Variants in URM1 observed in about 807,000 individuals in gnomAD.
The protein encoded by URM1 is ubiquitin-related modifier 1.
Under a neutral mutation model 17.7 loss-of-function variants are expected in URM1, and 11 were observed. The ratio of observed to expected loss-of-function variants is 0.62; its 90% CI spans 0.39 to 1.03. The LOEUF (loss-of-function observed/expected upper bound fraction) is 1.03. Among genes scored for constraint, URM1 ranks in the 50% least tolerant of loss-of-function variants. URM1 has a pLI of 0.00. For missense variants in URM1, 128 were observed against 129.2 expected, an observed-to-expected ratio of 0.99 and a Z score of 0.04; for synonymous variants, 48 against 50.6, an observed-to-expected ratio of 0.95 and a Z score of 0.22.
intron 2 of URM1, among the ~76,000 whole-genome samples, chr9:128,380,098 T>TGA (rs1833139297): frequency 6.6e-6 from 1 of 151,520 alleles, no homozygotes; most frequent in African/African-American, 2.4e-5. Context: ...GGTGCCAGAG[T>TGA]GAGACCCTGT....
At chr9:128,381,329 G>A (rs1329257011) in intron 2 of URM1, among the ~76,000 whole-genome samples, 1 of 152,182 alleles carries the variant, frequency 6.6e-6, no homozygotes, top group Admixed American at 6.5e-5. Flanking sequence ...ACAACTTTTA[G>A]TAACTGGCAT....
At chr9:128,383,794 G>A (rs1295177678) in intron 2 of URM1, among the ~76,000 whole-genome samples, 1 of 152,192 alleles carries the variant, frequency 6.6e-6, no homozygotes, top group African/African-American at 2.4e-5. Flanking sequence ...GGCTGAGGCT[G>A]ACACCCTTTG....
intron 2 of URM1, among the ~76,000 whole-genome samples, chr9:128,380,696 T>C (rs1406459642): frequency 6.6e-6 from 1 of 151,004 alleles, no homozygotes; most frequent in Non-Finnish European, 1.5e-5. Flanking sequence ...AGTGCCGTGG[T>C]GCAGTCTCAG....
In URM1 at chr9:128,389,174, T is replaced by A. The variant is rs2131302132; in HGVS notation, c.189-87T>A. ...AGGAAGGCTCCTCAGCACACTCTCC[T>A]GCAGCCCAAAGCTCTCAGCCTCTCT... On this transcript the variant is annotated intron_variant, in intron 3 of 4. Transcript: ENST00000372853. The A allele has an allele frequency of 4.0e-6, 6 of 1,517,098 alleles. No homozygotes were observed. In the South Asian group the frequency reaches 7.8e-5, roughly 20 times the overall value. The allele number at this position is 1,517,098 out of a possible 1,614,324, so 94.0% of individuals were successfully genotyped here.
chr9:128,388,190 G>A, intron 3 of URM1: 1 of 1,231,806 alleles, frequency 8.1e-7, no homozygotes. Context: ...CGCTTCTCTG[G>A]GCCTCAGTTA....
intron 2 of URM1, among the ~76,000 whole-genome samples, chr9:128,378,806 G>A (rs115588269): frequency 3.6e-4 from 55 of 151,604 alleles, no homozygotes; most frequent in Non-Finnish European, 6.6e-4. Context: ...AATTAGTCAC[G>A]CATAGCGGTG....
chr9:128,388,708 T>A, intron 3 of URM1: 2 of 986,582 alleles, frequency 2.0e-6, no homozygotes, highest in Non-Finnish European at 2.4e-6. Flanking sequence ...CCCTGCCTTA[T>A]GCCAGGCAGG....
At chr9:128,384,016 G>A (rs193239658) in intron 2 of URM1, among the ~76,000 whole-genome samples, 1 of 152,198 alleles carries the variant, frequency 6.6e-6, no homozygotes, top group Non-Finnish European at 1.5e-5. Flanking sequence ...CGTGTCCTGT[G>A]TGTGTGACAC....
Position 128,389,680 on chromosome 9 carries a change from C to T in URM1, c.252C>T (p.Tyr84=), listed in dbSNP as rs1347081220. The T allele has an allele frequency of 6.2e-7, 1 of 1,613,404 alleles. No homozygotes were observed. Among genetic ancestry groups the T allele is most frequent in the African/African-American group, 1.3e-5 (1 of 74,930 alleles). ...TCCCGCACCAGGGTGAGCTGGACTACCAGCTTCAGGACCAGGACAGCGTCC... is the reference window on the plus strand; with the variant it reads ...TCCCGCACCAGGGTGAGCTGGACTATCAGCTTCAGGACCAGGACAGCGTCC... ...ADWELLGELD[Y]QLQDQDSVLF... Residue 84 remains tyrosine, a synonymous_variant, in exon 5 of 5, where the codon TAC becomes TAT. Coordinates refer to ENST00000372853, the MANE Select transcript of URM1 (RefSeq NM_030914.4).
chr9:128,379,304 A>G (rs1469430124), intron 2 of URM1, among the ~76,000 whole-genome samples: 1 of 151,148 alleles, frequency 6.6e-6, no homozygotes, highest in Non-Finnish European at 1.5e-5. Flanking sequence ...ACATGATGAA[A>G]CCCCGTCTCT....
At chr9:128,389,449 A>C in intron 4 of URM1, 140 bp downstream of exon 4, 1 of 1,577,570 alleles carries the variant, frequency 6.3e-7, no homozygotes, top group South Asian at 1.1e-5. Flanking sequence ...AGGCTGCTGG[A>C]GTCTCCCACT....
At chr9:128,372,554 C>G (rs573668217) in intron 1 of URM1, among the ~76,000 whole-genome samples, 4 of 152,206 alleles carry the variant, frequency 2.6e-5, no homozygotes, top group Non-Finnish European at 4.4e-5. Flanking sequence ...TTCAGCATTT[C>G]TGCCCCTTAG....
At chr9:128,387,000 C>T (rs376656635) in intron 2 of URM1, among the ~76,000 whole-genome samples, 2 of 152,342 alleles carry the variant, frequency 1.3e-5, no homozygotes, top group East Asian at 3.9e-4. Flanking sequence ...GTTTATAGAG[C>T]CACATTTCTG....
chr9:128,375,394 C>T (rs1456338641), intron 1 of URM1, among the ~76,000 whole-genome samples: 2 of 152,048 alleles, frequency 1.3e-5, no homozygotes, highest in Non-Finnish European at 2.9e-5. Context: ...CAACATTTTT[C>T]CAGATGGAAA....
chr9:128,377,998 C>G (rs1833099767), intron 1 of URM1, 38 bp from the exon 2 acceptor site: 2 of 1,609,148 alleles, frequency 1.2e-6, no homozygotes, highest in Non-Finnish European at 1.7e-6. Flanking sequence ...TTTGCAGGAG[C>G]TCACCTGGCT....
rs373237545 is a variant in URM1, at chr9:128,387,408, T to G, written c.107-408T>G. Among the ~76,000 whole-genome samples the G allele has an allele frequency of 3.9e-5, 6 of 152,298 alleles. No individual in the cohort carries two copies. Among genetic ancestry groups the G allele is most frequent in the East Asian group, 1.9e-4 (1 of 5,186 alleles). ...CCCCATCTGCGACTGGCTGGAGAGA[T>G]AAAGGTGGAGGGGGCTCTTCAAGGT... On this transcript the variant is annotated intron_variant, in intron 2 of 4. Coordinates refer to ENST00000372853, the MANE Select transcript of URM1 (RefSeq NM_030914.4). This position sits in a 1 kb window ranked among gnomAD's most constrained non-coding sequence, Gnocchi z 4.3.
intron 2 of URM1, among the ~76,000 whole-genome samples, chr9:128,383,720 G>T (rs1264762782): frequency 1.3e-5 from 2 of 152,140 alleles, no homozygotes; most frequent in African/African-American, 2.4e-5. Context: ...CTGGATGAGG[G>T]TCTGTTACGC....
chr9:128,389,285 T>G lies in URM1; in HGVS notation c.213T>G (p.Ile71Met). 2 of 1,607,614 alleles carry G rather than the reference T, an allele frequency of 1.2e-6. No individual in the cohort carries two copies. Among genetic ancestry groups the G allele is most frequent in the South Asian group, 2.2e-5 (2 of 90,628 alleles). The change falls in exon 4 of 5, where the codon ATT (isoleucine) becomes ATG (methionine). Residue 71 changes from isoleucine (I) to methionine (M), a missense_variant. Physicochemically the swap from Ile to Met is conservative, Grantham distance 10. Transcript: ENST00000372853. Reference sequence around the variant, plus strand: ...GGCGGCCAGGAATTCTGGTGCTGATTAACGATGCCGACTGGGAGCTACTGG... The same window carrying G: ...GGCGGCCAGGAATTCTGGTGCTGATGAACGATGCCGACTGGGAGCTACTGG... Reference protein sequence around the residue: ...DSVRPGILVLINDADWELLGE... With the variant: ...DSVRPGILVLMNDADWELLGE...
In URM1 at chr9:128,389,282, G is replaced by A; in HGVS notation, c.210G>A (p.Leu70=). ...GDSVRPGILV[L]INDADWELLG... is the part of the protein sequence containing the mutation. Reference sequence around the variant, plus strand: ...ACAGGCGGCCAGGAATTCTGGTGCTGATTAACGATGCCGACTGGGAGCTAC... The same window carrying A: ...ACAGGCGGCCAGGAATTCTGGTGCTAATTAACGATGCCGACTGGGAGCTAC... The change falls in exon 4 of 5, where the codon CTG becomes CTA. Residue 70 remains leucine, a synonymous_variant. Coordinates refer to ENST00000372853, the MANE Select transcript of URM1 (RefSeq NM_030914.4). The A allele has an allele frequency of 6.2e-7, 1 of 1,606,874 alleles. No homozygotes were observed. The highest frequency in any genetic ancestry group is 8.5e-7 in the Non-Finnish European group (1 of 1,175,226).
Sources: allele counts gnomAD v4.1 joint callset (sites outside exome capture counted in the v4.1 genomes callset), GRCh38; gene constraint gnomAD v4.1.1; non-coding constraint Gnocchi (gnomAD v3.1); transcripts MANE v1.5; gene names NCBI Gene and HGNC (gene_info 2026-07-23, HGNC 2026-07-21).